The following CTNNA2 variants were observed in gnomAD, a reference collection of about 807,000 sequenced individuals.
The protein encoded by CTNNA2 is catenin alpha-2.
CTNNA2 carries 42 observed loss-of-function variants against 101.0 expected under a neutral mutation model. The ratio of observed to expected loss-of-function variants is 0.42; its 90% CI spans 0.32 to 0.54. The LOEUF is 0.54. Ranked by LOEUF, CTNNA2 falls within the 20% of genes least tolerant of loss-of-function variation. The pLI is 0.14. For missense variants in CTNNA2, 871 were observed against 1,223.1 expected (o/e 0.71, Z 4.29); for synonymous variants, 450 against 456.4 (o/e 0.99, Z 0.18).
At chr2:79,747,020 C>T (rs974571225) in intron 3 of CTNNA2, among the ~76,000 whole-genome samples, 4 of 152,188 alleles carry the variant, frequency 2.6e-5, no homozygotes, top group Non-Finnish European at 4.4e-5. Context: ...TATCAATTCA[C>T]AGCTGGATAT....
Position 80,237,079 on chromosome 2 carries a change from T to C in CTNNA2, c.1057-156132T>C, listed in dbSNP as rs541890402. ...CTGAAATTTCAAGGATCCCTTCCCA[T>C]TGTCAGTCCATGTAACCTCATCCTT... On this transcript the variant is annotated intron_variant, in intron 7 of 18. Coordinates refer to ENST00000402739, the MANE Select transcript of CTNNA2 (RefSeq NM_001282597.3). Among the ~76,000 whole-genome samples, 47 of 152,286 alleles carry C rather than the reference T, an allele frequency of 3.1e-4. 1 individual carries two copies. In the East Asian group the frequency reaches 4.8e-3, roughly 16 times the overall value.
chr2:80,458,572 C>T lies in CTNNA2; in HGVS notation c.1290+38971C>T, dbSNP rs527520733. ...TCAATTTTCCAATTCATTTTGCAAA[C>T]ACCTTTCTCTTTAACCTTGAAAAAT... On this transcript the variant is annotated intron_variant, in intron 9 of 18. Transcript: ENST00000402739. 8.5e-5 allele frequency among the ~76,000 whole-genome samples: 13 copies of T among 152,284 alleles called. No homozygotes were observed. The East Asian group carries it at 2.1e-3, about 25-fold the overall frequency.
Position 80,402,702 on chromosome 2 carries a change from G to A in CTNNA2, c.1137+9411G>A, listed in dbSNP as rs909396881. 2.6e-5 allele frequency among the ~76,000 whole-genome samples: 4 copies of A among 151,098 alleles called. No individual in the cohort carries two copies. In the South Asian group the frequency reaches 6.3e-4, roughly 24 times the overall value. On this transcript the variant is annotated intron_variant, in intron 8 of 18. Coordinates refer to ENST00000402739, the MANE Select transcript of CTNNA2 (RefSeq NM_001282597.3). ...TAGGAACCAGGGCAGAGGTCTGAAC[G>A]AGGGGTTCAGGAACCAGGGGCAATG...
At chr2:79,777,891 G>GTT (rs1558920888) in intron 3 of CTNNA2, among the ~76,000 whole-genome samples, 1 of 135,702 alleles carries the variant, frequency 7.4e-6, no homozygotes, top group African/African-American at 3.0e-5. Context: ...ATTTGCATGG[G>GTT]GTTTTTTTTT....
chr2:79,711,508 G>A (rs924995781), intron 2 of CTNNA2, among the ~76,000 whole-genome samples: 19 of 152,086 alleles, frequency 1.2e-4, no homozygotes, highest in African/African-American at 3.9e-4. Flanking sequence ...CGAGTATATC[G>A]CAGGTCTTCA....
At chr2:80,241,691 G>A (rs1007415668) in intron 7 of CTNNA2, among the ~76,000 whole-genome samples, 4 of 151,570 alleles carry the variant, frequency 2.6e-5, no homozygotes, top group African/African-American at 7.3e-5. Flanking sequence ...TCTGTATAGG[G>A]CATTTAACTA....
chr2:80,018,335 T>C (rs906991207), intron 7 of CTNNA2, among the ~76,000 whole-genome samples: 4 of 152,212 alleles, frequency 2.6e-5, no homozygotes, highest in Non-Finnish European at 2.9e-5. Flanking sequence ...GTTGTTGTTA[T>C]AATATTTTTA....
Position 80,303,268 on chromosome 2 carries a change from G to A in CTNNA2, c.1057-89943G>A, listed in dbSNP as rs773134418. 23 of 1,613,556 alleles carry A rather than the reference G, an allele frequency of 1.4e-5. No homozygotes were observed. The highest frequency in any genetic ancestry group is 1.5e-5 in the Non-Finnish European group (18 of 1,180,024). The stretch of plus-strand genomic sequence containing the variant: ...CGATGTCGAGAAACTTGAGGCTGCG[G>A]CAGTCCTGGAAGATGCGCACGGGCA... On this transcript the variant is annotated intron_variant, in intron 7 of 18. Transcript: ENST00000402739. This position sits in a 1 kb window ranked among gnomAD's most constrained non-coding sequence, Gnocchi z 7.7.
chr2:79,477,661 A>T (rs1671065370), intron 4 of CTNNA2, among the ~76,000 whole-genome samples: 1 of 152,192 alleles, frequency 6.6e-6, no homozygotes, highest in South Asian at 2.1e-4. Context: ...GAAGTCAAGA[A>T]TCTGTCAACT....
At chr2:79,325,895 C>T (rs1386146314) in intron 3 of CTNNA2, among the ~76,000 whole-genome samples, 1 of 152,092 alleles carries the variant, frequency 6.6e-6, no homozygotes, top group Non-Finnish European at 1.5e-5. Context: ...ATTTTTGTGA[C>T]TTGCATGTTT....
At chr2:79,441,366 G>T (rs1678776281) in intron 4 of CTNNA2, among the ~76,000 whole-genome samples, 2 of 152,126 alleles carry the variant, frequency 1.3e-5, no homozygotes, top group African/African-American at 4.8e-5. Flanking sequence ...GTTTCATGCA[G>T]TATGTGATGT....
chr2:80,011,213 A>C (rs1693754066), intron 7 of CTNNA2, among the ~76,000 whole-genome samples: 1 of 152,200 alleles, frequency 6.6e-6, no homozygotes, highest in Non-Finnish European at 1.5e-5. Flanking sequence ...ATCATGGCTA[A>C]TATTGAGAAA....
At chr2:79,631,779 T>A (rs1270762175) in intron 1 of CTNNA2, among the ~76,000 whole-genome samples, 5 of 152,216 alleles carry the variant, frequency 3.3e-5, no homozygotes, top group Admixed American at 6.5e-5. Flanking sequence ...GATTATTTTC[T>A]AAAGGACCAA....
In CTNNA2 at chr2:79,241,874, A is replaced by G. The variant is rs1233612325; in HGVS notation, c.-406+43798A>G. Among the ~76,000 whole-genome samples, 3 of 148,694 alleles carry G rather than the reference A, an allele frequency of 2.0e-5. No homozygotes were observed. In the Admixed American group the frequency reaches 2.0e-4, roughly 10 times the overall value. On this transcript the variant is annotated intron_variant, in intron 2 of 21. Coordinates refer to the CTNNA2 transcript ENST00000466387. ...ACACCTATAAAAACAGCATCGAATCACATTTGGGTATTTTCTTTTCTTTTC... is the reference window on the plus strand; with the variant it reads ...ACACCTATAAAAACAGCATCGAATCGCATTTGGGTATTTTCTTTTCTTTTC...
intron 3 of CTNNA2, among the ~76,000 whole-genome samples, chr2:79,800,343 C>T (rs142651224): frequency 6.6e-6 from 1 of 152,124 alleles, no homozygotes; most frequent in African/African-American, 2.4e-5. Context: ...GGCAAATGTT[C>T]TCCCTTGCAT....
At chr2:79,609,046 C>A (rs1333772559) in intron 1 of CTNNA2, among the ~76,000 whole-genome samples, 3 of 151,790 alleles carry the variant, frequency 2.0e-5, no homozygotes, top group Admixed American at 1.3e-4. Flanking sequence ...TTGTGGTATA[C>A]AGAAGAAATC....
chr2:79,820,577 C>G (rs1346241524), intron 3 of CTNNA2, among the ~76,000 whole-genome samples: 1 of 152,128 alleles, frequency 6.6e-6, no homozygotes, highest in African/African-American at 2.4e-5. Context: ...TTACTTCTAA[C>G]TTAATGTGTA....
Position 79,909,635 on chromosome 2 carries a change from G to T in CTNNA2, c.894G>T (p.Arg298Ser). 1 of 1,613,212 alleles carries T rather than the reference G, an allele frequency of 6.2e-7. No homozygotes were observed. The highest frequency in any genetic ancestry group is 8.5e-7 in the Non-Finnish European group (1 of 1,179,308). The change falls in exon 7 of 19, where the codon AGG becomes AGT. Residue 298 changes from arginine to serine, a missense_variant. Physicochemically the swap from Arg to Ser is moderately radical, Grantham distance 110 (BLOSUM62 -1). Coordinates refer to ENST00000402739, the MANE Select transcript of CTNNA2 (RefSeq NM_001282597.3). ...ACCCCATGACGTTCAGCGAGGCCAG[G>T]TTCCGGCCGTCCCTGGAGGAGAGGC... ...ILDPMTFSEA[R>S]FRPSLEERLE...
chr2:79,646,771 C>T (rs1248246719), intron 1 of CTNNA2, among the ~76,000 whole-genome samples: 2 of 152,032 alleles, frequency 1.3e-5, no homozygotes, highest in African/African-American at 4.8e-5. Context: ...TCAAGCAGTC[C>T]ACTCACTGTG....
Sources: gnomAD v4.1 joint callset for allele counts (sites outside exome capture counted in the v4.1 genomes callset) on GRCh38, gnomAD v4.1.1 for gene constraint, Gnocchi (gnomAD v3.1) non-coding constraint, MANE v1.5 for transcripts, NCBI Gene and HGNC (gene_info 2026-07-23, HGNC 2026-07-21) for gene names.